OTUD7A: variants seen among roughly 807,000 people sequenced by gnomAD.
The protein encoded by OTUD7A is OTU domain-containing protein 7A.
In OTUD7A, 12 loss-of-function variants were observed where a neutral mutation model predicts 65.7. That is an observed-to-expected ratio of 0.18 (90% CI 0.12 to 0.30). OTUD7A has a LOEUF of 0.30. Among genes scored for constraint, OTUD7A ranks in the 10% least tolerant of loss-of-function variants. The pLI, the probability that OTUD7A is intolerant of heterozygous loss-of-function variation, is 1.00. For missense variants in OTUD7A, 1,148 were observed against 1,304.8 expected (o/e 0.88, Z 1.85); for synonymous variants, 641 against 586.3 (o/e 1.09, Z -1.35).
At chr15:31,821,335 G>T (rs1343186289) in intron 1 of OTUD7A, among the ~76,000 whole-genome samples, 2 of 140,156 alleles carry the variant, frequency 1.4e-5, no homozygotes, top group African/African-American at 2.7e-5. Context: ...TAGTAGAGAT[G>T]CGGTTTCACC....
intron 1 of OTUD7A, among the ~76,000 whole-genome samples, chr15:31,668,944 G>T (rs1892404442): frequency 6.6e-6 from 1 of 152,222 alleles, no homozygotes; most frequent in Admixed American, 6.5e-5. Context: ...CACCCAGCAA[G>T]TCTACCTGGC....
intron 1 of OTUD7A, among the ~76,000 whole-genome samples, chr15:31,677,290 C>CAAAGAAATA (rs1486061750): frequency 6.6e-6 from 1 of 152,076 alleles, no homozygotes; most frequent in East Asian, 1.9e-4. Flanking sequence ...TGGCACATGG[C>CAAAGAAATA]AAGAAATAAA....
chr15:31,540,469 T>G (rs1033255075), intron 5 of OTUD7A, among the ~76,000 whole-genome samples: 8 of 152,194 alleles, frequency 5.3e-5, no homozygotes, highest in Admixed American at 2.6e-4. Context: ...AAGCTGGAGT[T>G]AGACTTCCTG....
intron 1 of OTUD7A, among the ~76,000 whole-genome samples, chr15:31,801,846 GTTT>G (rs1209334311): frequency 2.0e-5 from 3 of 151,968 alleles, no homozygotes; most frequent in African/African-American, 7.2e-5. Flanking sequence ...GTAAAATTAT[GTTT>G]TTTATTTATA....
At chr15:31,595,677 G>C (rs1287500808) in intron 3 of OTUD7A, among the ~76,000 whole-genome samples, 1 of 152,234 alleles carries the variant, frequency 6.6e-6, no homozygotes, top group African/African-American at 2.4e-5. Context: ...AGTAGGCTCA[G>C]CTGGCTTCTC....
At chr15:31,613,844 T>C (rs573041586) in intron 3 of OTUD7A, among the ~76,000 whole-genome samples, 21 of 152,338 alleles carry the variant, frequency 1.4e-4, no homozygotes, top group African/African-American at 5.1e-4. Flanking sequence ...TGTACATGCA[T>C]GTTTGTGGCT....
rs1458240576 is a variant in OTUD7A at position 31,487,443 on chromosome 15, G to T, written c.1286+9C>A. 6.2e-7 allele frequency: 1 copy of T among 1,613,094 alleles called. No homozygotes were observed. Among genetic ancestry groups the T allele is most frequent in the Admixed American group, 1.7e-5 (1 of 59,986 alleles). On this transcript the variant is annotated intron_variant, in intron 11 of 12. Transcript: ENST00000307050. The surrounding 1 kb of genome is among the most constrained non-coding windows in gnomAD (Gnocchi z 6.0). ...GGGCGCTGGGGAAAGGGACAGAGTAGGATCTTACTGGGCCAGCCGGGCGTT... is the reference window on the plus strand; with the variant it reads ...GGGCGCTGGGGAAAGGGACAGAGTATGATCTTACTGGGCCAGCCGGGCGTT...
rs1895086604 is a variant in OTUD7A, at chr15:31,766,059, G to A, written c.-100+104448C>T. On this transcript the variant is annotated intron_variant, in intron 1 of 12. Transcript: ENST00000307050. ...CAAAGGAGCAAATAGTCCATCTCCA[G>A]GACTTTCAATATGTCCCCTTTTTAA... 2.0e-6 allele frequency: 3 copies of A among 1,522,348 alleles called. No homozygotes were observed. The East Asian group carries it at 6.8e-5, about 34-fold the overall frequency. 94.3% of individuals were successfully genotyped at this position (1,522,348 alleles called of 1,614,324 possible). A position where few individuals can be genotyped will look rare whatever the true frequency, so the allele number is the denominator to read the frequency against.
At chr15:31,796,729 C>T (rs1444399136) in intron 1 of OTUD7A, among the ~76,000 whole-genome samples, 2 of 152,180 alleles carry the variant, frequency 1.3e-5, no homozygotes, top group South Asian at 2.1e-4. Context: ...TTAGACAGAG[C>T]TTTCAAACAT....
At chr15:31,687,550 T>C (rs1177520669) in intron 1 of OTUD7A, among the ~76,000 whole-genome samples, 1 of 152,324 alleles carries the variant, frequency 6.6e-6, no homozygotes, top group Non-Finnish European at 1.5e-5. Flanking sequence ...CCCAGTCTCC[T>C]AATTGTAATT....
At chr15:31,778,258 T>C (rs1281415668) in intron 1 of OTUD7A, among the ~76,000 whole-genome samples, 1 of 152,100 alleles carries the variant, frequency 6.6e-6, no homozygotes, top group African/African-American at 2.4e-5. Flanking sequence ...CAGGGATGGC[T>C]CTGACTGGTC....
chr15:31,481,015 G>A lies in OTUD7A; in HGVS notation c.*2279C>T, dbSNP rs1302526609. On this transcript the variant is annotated 3_prime_UTR_variant, in exon 13 of 13. Coordinates refer to ENST00000307050, the MANE Select transcript of OTUD7A (RefSeq NM_001382637.1). ...TTTTGATAATTACGTACTCTGCCTG[G>A]TTTGGAAGGTTTTCCTCTATTACAA... 2 of 152,188 alleles carry A rather than the reference G, an allele frequency of 1.3e-5. No individual in the cohort carries two copies. The highest frequency in any genetic ancestry group is 2.9e-5 in the Non-Finnish European group (2 of 68,028). 9.4% of individuals were successfully genotyped at this position (152,188 alleles called of 1,614,324 possible).
intron 1 of OTUD7A, among the ~76,000 whole-genome samples, chr15:31,769,434 C>T (rs12594970): frequency 0.12 from 17,868 of 152,198 alleles, 1,428 homozygotes; most frequent in East Asian, 0.43. Flanking sequence ...CATATACTTA[C>T]GCATGACACA....
chr15:31,687,552 A>T (rs1230648562), intron 1 of OTUD7A, among the ~76,000 whole-genome samples: 2 of 152,172 alleles, frequency 1.3e-5, no homozygotes, highest in African/African-American at 2.4e-5. Context: ...CAGTCTCCTA[A>T]TTGTAATTAT....
chr15:31,651,447 C>T (rs942917020), intron 3 of OTUD7A, among the ~76,000 whole-genome samples: 1 of 151,924 alleles, frequency 6.6e-6, no homozygotes, highest in Non-Finnish European at 1.5e-5. Context: ...ACTATTTAAC[C>T]TTTTGAATAG....
At chr15:31,755,450 G>A (rs1045588941) in intron 1 of OTUD7A, among the ~76,000 whole-genome samples, 4 of 152,234 alleles carry the variant, frequency 2.6e-5, no homozygotes, top group East Asian at 3.9e-4. Context: ...GGCTGGGCAC[G>A]GCAGCTCACG....
intron 10 of OTUD7A, among the ~76,000 whole-genome samples, chr15:31,488,005 T>C (rs2041264708): frequency 6.6e-6 from 1 of 152,186 alleles, no homozygotes; most frequent in Non-Finnish European, 1.5e-5. Flanking sequence ...TGCTGACCTC[T>C]ACTGGTTTGT....
chr15:31,726,953 C>T (rs1202843792), intron 1 of OTUD7A, among the ~76,000 whole-genome samples: 2 of 152,206 alleles, frequency 1.3e-5, no homozygotes, highest in East Asian at 1.9e-4. Context: ...TACATGGAAA[C>T]GTCTGAAATC....
At chr15:31,757,987 T>C (rs1309467840) in intron 1 of OTUD7A, among the ~76,000 whole-genome samples, 3 of 152,160 alleles carry the variant, frequency 2.0e-5, no homozygotes, top group African/African-American at 7.2e-5. Flanking sequence ...CAATATTCAA[T>C]GCTAGGTAGT....
Sources: gnomAD v4.1 joint callset for allele counts (sites outside exome capture counted in the v4.1 genomes callset) on GRCh38, gnomAD v4.1.1 for gene constraint, Gnocchi (gnomAD v3.1) non-coding constraint, MANE v1.5 for transcripts, NCBI Gene and HGNC (gene_info 2026-07-23, HGNC 2026-07-21) for gene names.